The following RAB38 variants were observed in gnomAD, a reference collection of about 807,000 sequenced individuals.
The protein encoded by RAB38 is RAB38, member RAS oncogene family.
Under a neutral mutation model 18.4 loss-of-function variants are expected in RAB38, and 15 were observed. The ratio of observed to expected loss-of-function variants is 0.82; its 90% CI spans 0.55 to 1.26. The LOEUF (loss-of-function observed/expected upper bound fraction) is 1.26, where lower values mean the gene tolerates loss of function less well. Among genes scored for constraint, RAB38 ranks in the 50% most tolerant of loss-of-function variants. The pLI is 0.00. For missense variants in RAB38, 294 were observed against 267.4 expected, an observed-to-expected ratio of 1.10 and a Z score of -0.69; for synonymous variants, 101 against 104.4, an observed-to-expected ratio of 0.97 and a Z score of 0.20.
the RAB38 span, among the ~76,000 whole-genome samples, chr11:88,056,798 C>T: frequency 7.1e-6 from 1 of 141,412 alleles, no homozygotes; most frequent in Admixed American, 7.0e-5. Flanking sequence ...AGCGAGACTC[C>T]GTCTCAATAA....
chr11:88,172,508 A>G (rs1405067289), intron 1 of RAB38, among the ~76,000 whole-genome samples: 3 of 152,220 alleles, frequency 2.0e-5, no homozygotes, highest in Non-Finnish European at 4.4e-5. Context: ...ATCCTATCAG[A>G]ACAGTGCAGG....
the RAB38 span, among the ~76,000 whole-genome samples, chr11:87,963,813 A>AT: frequency 1.3e-5 from 2 of 151,682 alleles, no homozygotes; most frequent in Non-Finnish European, 2.9e-5. Flanking sequence ...CGCCTGGCTA[A>AT]TTTTTTGTAT....
the RAB38 span, among the ~76,000 whole-genome samples, chr11:87,948,704 C>T: frequency 2.4e-3 from 334 of 138,052 alleles, no homozygotes; most frequent in African/African-American, 7.5e-3. Flanking sequence ...TATTGATTTG[C>T]GTATATTGAA....
At chr11:88,095,326 A>G in the RAB38 span, among the ~76,000 whole-genome samples, 300 of 151,874 alleles carry the variant, frequency 2.0e-3, 1 homozygote, top group African/African-American at 7.0e-3. Context: ...CTTATTCTCT[A>G]CTGAAACTCT....
At chr11:88,084,294 G>T in the RAB38 span, among the ~76,000 whole-genome samples, 1 of 151,548 alleles carries the variant, frequency 6.6e-6, no homozygotes, top group East Asian at 2.0e-4. Flanking sequence ...GTGTTGCATT[G>T]GAAATCTGGG....
At chr11:87,823,766 C>T in the RAB38 span, among the ~76,000 whole-genome samples, 38,371 of 151,470 alleles carry the variant, frequency 0.25, 6,152 homozygotes, top group African/African-American at 0.45. Context: ...ATAGATGAAC[C>T]GACAAATAAA....
At chr11:88,154,276 T>G (rs1292261449) in intron 1 of RAB38, among the ~76,000 whole-genome samples, 1 of 152,186 alleles carries the variant, frequency 6.6e-6, no homozygotes, top group Admixed American at 6.5e-5. Flanking sequence ...CAACTATTCA[T>G]TTTAATCTCT....
At chr11:87,956,098 AACAAACAT>A in the RAB38 span, among the ~76,000 whole-genome samples, 5 of 61,052 alleles carry the variant, frequency 8.2e-5, no homozygotes, top group African/African-American at 2.9e-4. Flanking sequence ...AATTTTTAAA[AACAAACAT>A]ACATACATAC....
the RAB38 span, among the ~76,000 whole-genome samples, chr11:88,052,917 T>TC: frequency 0.12 from 1,614 of 14,026 alleles, 109 homozygotes; most frequent in African/African-American, 0.26. Context: ...TATATATATA[T>TC]ATATATATAT....
downstream of RAB38, among the ~76,000 whole-genome samples, chr11:88,109,829 T>C (rs1942450324): frequency 1.3e-5 from 2 of 152,232 alleles, no homozygotes; most frequent in Middle Eastern, 3.4e-3. Flanking sequence ...TACCATCTAA[T>C]GCCAGTTAGA....
the RAB38 span, chr11:87,879,408 A>T: frequency 6.6e-6 from 1 of 151,426 alleles, no homozygotes; most frequent in Non-Finnish European, 1.5e-5. Flanking sequence ...AAGTGAGAAG[A>T]CTTTTTTTTT....
chr11:88,138,949 A>AT (rs895854557), intron 2 of RAB38, among the ~76,000 whole-genome samples: 10 of 151,092 alleles, frequency 6.6e-5, no homozygotes, highest in Admixed American at 1.3e-4. Flanking sequence ...CGCCTGGCTA[A>AT]TTTTTTTTGT....
chr11:87,822,184 T>C, the RAB38 span, among the ~76,000 whole-genome samples: 2 of 151,510 alleles, frequency 1.3e-5, no homozygotes, highest in South Asian at 2.1e-4. Flanking sequence ...GTGAGATAAG[T>C]AGAAAGCACA....
the RAB38 span, among the ~76,000 whole-genome samples, chr11:87,935,730 C>T: frequency 6.6e-6 from 1 of 151,934 alleles, no homozygotes; most frequent in Non-Finnish European, 1.5e-5. Flanking sequence ...TCTCTCTTGT[C>T]CTTTTATAGT....
At chr11:88,052,901 CATATATATATATATATATATATATATAT>C in the RAB38 span, among the ~76,000 whole-genome samples, 13 of 21,524 alleles carry the variant, frequency 6.0e-4, no homozygotes, top group South Asian at 5.4e-3. Context: ...GAAAAAATTT[CATATATATATATATATATATATATATAT>C]ATATATATAT....
the RAB38 span, among the ~76,000 whole-genome samples, chr11:87,898,659 G>A: frequency 2.0e-5 from 3 of 151,656 alleles, no homozygotes; most frequent in African/African-American, 7.3e-5. Flanking sequence ...TTCCAAAAAT[G>A]AACATTGTCA....
the RAB38 span, among the ~76,000 whole-genome samples, chr11:87,972,677 C>G: frequency 9.1e-3 from 1,392 of 152,136 alleles, 9 homozygotes; most frequent in Non-Finnish European, 0.016. Flanking sequence ...GTCTTTGCAA[C>G]GAAGTTTCCA....
At chr11:87,924,625 T>C in the RAB38 span, among the ~76,000 whole-genome samples, 3 of 152,136 alleles carry the variant, frequency 2.0e-5, no homozygotes, top group South Asian at 6.2e-4. Context: ...AGCCTTTCTC[T>C]ACTTTGCAGG....
the RAB38 span, among the ~76,000 whole-genome samples, chr11:88,067,928 T>TAC: frequency 8.1e-5 from 12 of 148,776 alleles, no homozygotes; most frequent in Admixed American, 2.0e-4. Flanking sequence ...TATATATATA[T>TAC]ACACACACAC....
Sources: allele counts gnomAD v4.1 joint callset (sites outside exome capture counted in the v4.1 genomes callset), GRCh38; gene constraint gnomAD v4.1.1; transcripts MANE v1.5; gene names NCBI Gene and HGNC (gene_info 2026-07-23, HGNC 2026-07-21).